Variants in WDPCP observed in about 807,000 individuals in gnomAD.
WDPCP encodes WD repeat containing planar cell polarity effector, also known as WD repeat-containing and planar cell polarity effector protein fritz homolog.
Under a neutral mutation model 93.1 loss-of-function variants are expected in WDPCP, and 71 were observed. That is an observed-to-expected ratio of 0.76 (90% CI 0.63 to 0.93). The LOEUF is 0.93. Ranked by LOEUF, WDPCP falls within the 40% of genes least tolerant of loss-of-function variation. The pLI, the probability that WDPCP is intolerant of heterozygous loss-of-function variation, is 0.00. For synonymous variants in WDPCP, 315 were observed against 315.0 expected (o/e 1.00, Z 0.00); for missense variants, 844 against 887.4 (o/e 0.95, Z 0.62).
chr2:63,546,618 A>T (rs888600007), intron 1 of WDPCP, among the ~76,000 whole-genome samples: 1 of 152,186 alleles, frequency 6.6e-6, no homozygotes, highest in Non-Finnish European at 1.5e-5. Flanking sequence ...CTTAGCCCAA[A>T]CTGGTGCCAG....
intron 17 of WDPCP, among the ~76,000 whole-genome samples, chr2:63,128,018 A>G (rs967592157): frequency 6.6e-6 from 1 of 152,058 alleles, no homozygotes; most frequent in Non-Finnish European, 1.5e-5. Context: ...GTGCTTCTGT[A>G]ATCCCAGCTA....
intron 17 of WDPCP, 56 bp downstream of exon 17, chr2:63,152,858 T>G: frequency 6.6e-7 from 1 of 1,523,474 alleles, no homozygotes; most frequent in South Asian, 1.1e-5. Flanking sequence ...ATCACATACA[T>G]TATGCTTTTC....
intron 1 of WDPCP, among the ~76,000 whole-genome samples, chr2:63,505,389 G>C (rs776040486): frequency 1.3e-4 from 19 of 151,872 alleles, no homozygotes; most frequent in Non-Finnish European, 2.4e-4. Flanking sequence ...CAATTTCGCC[G>C]TACTATATTT....
intron 2 of WDPCP, among the ~76,000 whole-genome samples, chr2:63,772,947 C>T (rs1191072819): frequency 6.6e-6 from 1 of 151,762 alleles, no homozygotes; most frequent in East Asian, 1.9e-4. Flanking sequence ...CTAGCCACTA[C>T]AATAAGTCAA....
At chr2:63,280,306 A>C (rs1205855687) in intron 13 of WDPCP, among the ~76,000 whole-genome samples, 1 of 152,238 alleles carries the variant, frequency 6.6e-6, no homozygotes, top group Non-Finnish European at 1.5e-5. Flanking sequence ...AAGAGAAAAA[A>C]TGAGGAAGAA....
Position 63,244,070 on chromosome 2 carries a change from T to C in WDPCP, c.1915+15237A>G, listed in dbSNP as rs60439302. Among the ~76,000 whole-genome samples the C allele has an allele frequency of 7.6e-3, 1,157 of 151,884 alleles. 18 individuals carry two copies. Among genetic ancestry groups the C allele is most frequent in the African/African-American group, 0.026 (1,089 of 41,438 alleles). On this transcript the variant is annotated intron_variant, in intron 14 of 17. Transcript: ENST00000272321. ...ACAGTGCAATAAAAATAGAAATCAA[T>C]ATCAAAGGTCTCTCAAAACCACACA... is the stretch of plus-strand genomic sequence containing the variant.
In WDPCP at chr2:63,507,630, C is replaced by G. The variant is rs1297448839; in HGVS notation, c.76-14690G>C. On this transcript the variant is annotated intron_variant, in intron 1 of 17. Transcript: ENST00000272321. Reference sequence around the variant, plus strand: ...GTTTCAGAAGGTGGGTACTAACAAACTCCACCGAGCTAAAGGGGCATGTTC... The same window carrying G: ...GTTTCAGAAGGTGGGTACTAACAAAGTCCACCGAGCTAAAGGGGCATGTTC... 3.3e-5 allele frequency among the ~76,000 whole-genome samples: 5 copies of G among 151,968 alleles called. No individual in the cohort carries two copies. The East Asian group carries it at 9.6e-4, about 29-fold the overall frequency.
intron 9 of WDPCP, among the ~76,000 whole-genome samples, chr2:63,418,042 A>G (rs1341319299): frequency 6.6e-6 from 1 of 152,140 alleles, no homozygotes; most frequent in African/African-American, 2.4e-5. Context: ...CTAAAGAACT[A>G]TATAAAGACA....
chr2:63,389,367 C>T (rs1043923577), intron 10 of WDPCP, among the ~76,000 whole-genome samples: 1 of 152,116 alleles, frequency 6.6e-6, no homozygotes, highest in African/African-American at 2.4e-5. Context: ...TTTGTCACCA[C>T]CAGGCCTGCC....
chr2:63,406,921 G>T (rs993396359), intron 9 of WDPCP, among the ~76,000 whole-genome samples: 25 of 152,228 alleles, frequency 1.6e-4, no homozygotes, highest in African/African-American at 6.0e-4. Flanking sequence ...CAAAGACAAA[G>T]GGACCTTTCT....
At chr2:63,500,560 G>A (rs545711247) in intron 1 of WDPCP, among the ~76,000 whole-genome samples, 81 of 151,774 alleles carry the variant, frequency 5.3e-4, no homozygotes, top group Non-Finnish European at 9.1e-4. Context: ...TTAATGAGAA[G>A]TAATGTTTTA....
At chr2:63,312,346 A>C (rs1319301460) in intron 13 of WDPCP, among the ~76,000 whole-genome samples, 1 of 152,170 alleles carries the variant, frequency 6.6e-6, no homozygotes, top group Non-Finnish European at 1.5e-5. Flanking sequence ...GATTCAGGAA[A>C]AGCACCTTCC....
chr2:63,259,367 C>T lies in WDPCP; in HGVS notation c.1855G>A (p.Ala619Thr). ...CTAGCTCTTTTTCTTGCCACTTCAGCTAGTGCCAATTCACCTTTATCTAGT... is the reference window on the plus strand; with the variant it reads ...CTAGCTCTTTTTCTTGCCACTTCAGTTAGTGCCAATTCACCTTTATCTAGT... ...LALDKGELAL[A>T]EVARKRASDI... Residue 619 changes from alanine to threonine, a missense_variant, in exon 14 of 18, where the codon GCT (alanine) becomes ACT (threonine). Ala to Thr is a moderately conservative substitution (Grantham distance 58, BLOSUM62 0). Coordinates refer to ENST00000272321, the MANE Select transcript of WDPCP (RefSeq NM_015910.7). 1 of 1,612,584 alleles carries T rather than the reference C, an allele frequency of 6.2e-7. No individual in the cohort carries two copies. The highest frequency in any genetic ancestry group is 8.5e-7 in the Non-Finnish European group (1 of 1,179,598).
At chr2:63,307,046 T>G (rs1199827902) in intron 13 of WDPCP, among the ~76,000 whole-genome samples, 1 of 152,208 alleles carries the variant, frequency 6.6e-6, no homozygotes, top group Non-Finnish European at 1.5e-5. Context: ...CAGCAAAGTC[T>G]CGGGATACAA....
At chr2:63,295,414 T>C (rs1307671498) in intron 13 of WDPCP, among the ~76,000 whole-genome samples, 1 of 151,864 alleles carries the variant, frequency 6.6e-6, no homozygotes, top group Non-Finnish European at 1.5e-5. Flanking sequence ...CCAAAGACTC[T>C]AATAGATTAA....
At chr2:63,629,105 T>A (rs1022032095) in intron 3 of WDPCP, among the ~76,000 whole-genome samples, 44 of 152,138 alleles carry the variant, frequency 2.9e-4, no homozygotes, top group African/African-American at 8.4e-4. Context: ...CTTGTATAGA[T>A]CCCAGAAGCC....
At chr2:63,314,316 C>T (rs918646655) in intron 12 of WDPCP, among the ~76,000 whole-genome samples, 18 of 151,854 alleles carry the variant, frequency 1.2e-4, no homozygotes, top group East Asian at 1.2e-3. Flanking sequence ...TACAGGTGCA[C>T]GCCACTATGC....
chr2:63,645,311 C>A (rs1360476509), intron 3 of WDPCP, among the ~76,000 whole-genome samples: 1 of 151,962 alleles, frequency 6.6e-6, no homozygotes, highest in Non-Finnish European at 1.5e-5. Flanking sequence ...TGCATAGTTT[C>A]CAAAATTCCT....
In WDPCP at chr2:63,484,906, T is replaced by TTG; in HGVS notation, c.324+9_324+10dup. The TTG allele has an allele frequency of 6.2e-7, 1 of 1,612,146 alleles. No individual in the cohort carries two copies. Among genetic ancestry groups the TTG allele is most frequent in the East Asian group, 2.2e-5 (1 of 44,840 alleles). ...TGTTTGTTGCCATTTTTGAAACTTT[T>TTG]TGAAAGATACCTCCAACTCTTTGAG... On this transcript the variant is annotated intron_variant, in intron 5 of 17. Transcript: ENST00000272321.
Sources: allele counts gnomAD v4.1 joint callset (sites outside exome capture counted in the v4.1 genomes callset), GRCh38; gene constraint gnomAD v4.1.1; transcripts MANE v1.5; gene names NCBI Gene and HGNC (gene_info 2026-07-23, HGNC 2026-07-21).